The following MTMR2 variants were observed in gnomAD, a reference collection of about 807,000 sequenced individuals.
MTMR2 encodes the protein phosphatidylinositol-3,5-bisphosphate 3-phosphatase MTMR2.
In MTMR2, 55 loss-of-function variants were observed where a neutral mutation model predicts 86.9. That is an observed-to-expected ratio of 0.63 (90% CI 0.51 to 0.79). The LOEUF (loss-of-function observed/expected upper bound fraction) is 0.79, where lower values mean the gene tolerates loss of function less well. Among genes scored for constraint, MTMR2 ranks in the 30% least tolerant of loss-of-function variants. MTMR2 has a pLI of 0.00. For synonymous variants in MTMR2, 241 were observed against 266.8 expected, an observed-to-expected ratio of 0.90 and a Z score of 0.94; for missense variants, 659 against 772.3, an observed-to-expected ratio of 0.85 and a Z score of 1.74.
At chr11:95,906,061 C>A (rs1263385138) in intron 1 of MTMR2, among the ~76,000 whole-genome samples, 1 of 152,084 alleles carries the variant, frequency 6.6e-6, no homozygotes, top group Non-Finnish European at 1.5e-5. Context: ...CTTGTCTCCA[C>A]TAAAAATACA....
In MTMR2 at chr11:95,914,340, G is replaced by A. The variant is rs1369546837; in HGVS notation, c.80+9535C>T. ...GTAAATAAACACAAAGGAACTTAGG[G>A]GAATTCAGAAATTTAAGGAACCCTA... On this transcript the variant is annotated intron_variant, in intron 1 of 14. Transcript: ENST00000346299. 3 of 973,084 alleles carry A rather than the reference G, an allele frequency of 3.1e-6. No homozygotes were observed. In the African/African-American group the frequency reaches 5.3e-5, roughly 17 times the overall value. The allele number at this position is 973,084 out of a possible 1,614,324, so 60.3% of individuals were successfully genotyped here.
intron 1 of MTMR2, chr11:95,914,268 T>C (rs953944967): frequency 2.1e-6 from 2 of 971,824 alleles, no homozygotes; most frequent in African/African-American, 3.5e-5. Context: ...TGTTTTATCT[T>C]CACTTCTGAT....
intron 1 of MTMR2, among the ~76,000 whole-genome samples, chr11:95,917,277 A>G (rs1424880786): frequency 2.0e-5 from 3 of 152,240 alleles, no homozygotes; most frequent in South Asian, 2.1e-4. Flanking sequence ...TAAAATCTGG[A>G]GAATTTCCAT....
At chr11:95,910,129 A>ACG (rs902706548) in intron 1 of MTMR2, among the ~76,000 whole-genome samples, 3 of 141,960 alleles carry the variant, frequency 2.1e-5, no homozygotes, top group Non-Finnish European at 3.1e-5. Context: ...GCATGCACGC[A>ACG]CACACACACA....
Position 95,857,782 on chromosome 11 carries a change from GT to G in MTMR2, c.571-148del, listed in dbSNP as rs1864265641. ...CATCCTTTTTTGTATTATAGTTTTT[GT>G]TTTATCATTTTGAAAATCTATTTTT... On this transcript the variant is annotated intron_variant, in intron 6 of 14. Transcript: ENST00000346299. The G allele has an allele frequency of 1.9e-5, 12 of 632,424 alleles. No individual in the cohort carries two copies. The East Asian group carries it at 3.3e-4, about 18-fold the overall frequency. 39.2% of individuals were successfully genotyped at this position (632,424 alleles called of 1,614,324 possible).
intron 2 of MTMR2, among the ~76,000 whole-genome samples, chr11:95,885,276 T>C (rs1234797926): frequency 6.6e-6 from 1 of 152,126 alleles, no homozygotes; most frequent in African/African-American, 2.4e-5. Context: ...AAATGATCTT[T>C]TGCTTCAGAA....
chr11:95,837,405 T>C (rs1389748408), intron 13 of MTMR2, among the ~76,000 whole-genome samples: 2 of 152,078 alleles, frequency 1.3e-5, no homozygotes, highest in Non-Finnish European at 2.9e-5. Context: ...ATAAATACTT[T>C]GTAACCACAT....
rs189803818 is a variant in MTMR2, at chr11:95,913,558, A to T, written c.80+10317T>A. 2.6e-5 allele frequency among the ~76,000 whole-genome samples: 4 copies of T among 152,300 alleles called. No homozygotes were observed. In the East Asian group the frequency reaches 7.7e-4, roughly 29 times the overall value. ...GAAGTTAAATGTTCACCAAGTTCAC[A>T]GTTGACTGAAATACATAGGTGGTCC... On this transcript the variant is annotated intron_variant, in intron 1 of 14. Transcript: ENST00000346299.
At chr11:95,906,961 T>C (rs533428251) in intron 1 of MTMR2, among the ~76,000 whole-genome samples, 5 of 152,154 alleles carry the variant, frequency 3.3e-5, no homozygotes, top group African/African-American at 1.2e-4. Context: ...CCAGGGGAAC[T>C]AGGGAACCAA....
chr11:95,892,654 T>G (rs1283690534), intron 1 of MTMR2, among the ~76,000 whole-genome samples: 1 of 152,184 alleles, frequency 6.6e-6, no homozygotes, highest in Non-Finnish European at 1.5e-5. Flanking sequence ...ACCTGGGCCT[T>G]TGTTCCAAAT....
At chr11:95,836,496 T>C (rs1185225912) in intron 13 of MTMR2, among the ~76,000 whole-genome samples, 172 bp from the exon 14 acceptor site, 1 of 152,020 alleles carries the variant, frequency 6.6e-6, no homozygotes, top group Non-Finnish European at 1.5e-5. Context: ...TGGAAAACAG[T>C]ATGCAGTTCC....
At chr11:95,866,685 A>C (rs1363518316) in intron 2 of MTMR2, among the ~76,000 whole-genome samples, 1 of 147,728 alleles carries the variant, frequency 6.8e-6, no homozygotes, top group African/African-American at 2.5e-5. Context: ...TAAACACGCT[A>C]TCTAGTTGCC....
At chr11:95,852,534 T>A (rs188635965) in intron 7 of MTMR2, among the ~76,000 whole-genome samples, 17 of 152,172 alleles carry the variant, frequency 1.1e-4, no homozygotes, top group Non-Finnish European at 2.4e-4. Flanking sequence ...CTACCTTACA[T>A]CCTGTTTACT....
rs756405288 is a variant in MTMR2, at chr11:95,865,666, T to C, written c.197A>G (p.Glu66Gly). 33 of 1,613,796 alleles carry C rather than the reference T, an allele frequency of 2.0e-5. No individual in the cohort carries two copies. The highest frequency in any genetic ancestry group is 2.8e-5 in the Non-Finnish European group (33 of 1,179,700). ...NFSPDLRVLR[E>G]SNKLAEMEEP... ...TTCCATTTCTGCTAACTTGTTAGAC[T>C]CCCTCAGGACCTGGGGTGGGAAAGA... is the stretch of plus-strand genomic sequence containing the variant. Residue 66 changes from glutamate (E) to glycine (G), a missense_variant, in exon 3 of 15, where the codon GAG (glutamate) becomes GGG (glycine). This residue lies in a region of MTMR2 where 387 missense variants were observed against 526.3 expected (regional missense o/e 0.74). Transcript: ENST00000346299.
chr11:95,850,795 T>A, intron 7 of MTMR2, 46 bp from the exon 8 acceptor site: 1 of 1,574,606 alleles, frequency 6.4e-7, no homozygotes, highest in African/African-American at 1.3e-5. Context: ...ATAACTAAAA[T>A]ATTAAACGAC....
chr11:95,879,885 TTAAAAA>T (rs1865259793), intron 2 of MTMR2, among the ~76,000 whole-genome samples: 1 of 152,140 alleles, frequency 6.6e-6, no homozygotes, highest in African/African-American at 2.4e-5. Context: ...AATTAAAATC[TTAAAAA>T]TACTGAGCTT....
intron 2 of MTMR2, among the ~76,000 whole-genome samples, chr11:95,869,336 C>T (rs572945736): frequency 6.6e-6 from 1 of 151,938 alleles, no homozygotes; most frequent in Non-Finnish European, 1.5e-5. Context: ...CATCATAGGT[C>T]GAGGAGCATC....
At chr11:95,914,280 A>G (rs1866619776) in intron 1 of MTMR2, 4 of 969,858 alleles carry the variant, frequency 4.1e-6, no homozygotes, top group South Asian at 9.6e-5. Flanking sequence ...ACTTCTGATG[A>G]TCTTCAAATG....
chr11:95,914,611 T>TAAAG (rs5793759), intron 1 of MTMR2, among the ~76,000 whole-genome samples: 61,888 of 151,568 alleles, frequency 0.41, 12,881 homozygotes, highest in Non-Finnish European at 0.44. Flanking sequence ...AATTCAAAGG[T>TAAAG]AAAATTCTCT....
Sources: gnomAD v4.1 joint callset for allele counts (sites outside exome capture counted in the v4.1 genomes callset) on GRCh38, gnomAD v4.1.1 for gene constraint, gnomAD v4.1.1 regional missense constraint, MANE v1.5 for transcripts, NCBI Gene and HGNC (gene_info 2026-07-23, HGNC 2026-07-21) for gene names.